Variants in CCDC7 observed in about 807,000 individuals in gnomAD.
CCDC7 encodes the protein coiled-coil domain containing 7, also known as coiled-coil domain-containing protein 7.
CCDC7 carries 183 observed loss-of-function variants against 196.9 expected under a neutral mutation model. The ratio of observed to expected loss-of-function variants is 0.93; its 90% CI spans 0.82 to 1.05. CCDC7 has a LOEUF of 1.05. Ranked by LOEUF, CCDC7 falls within the 50% of genes least tolerant of loss-of-function variation. The pLI, the probability that CCDC7 is intolerant of heterozygous loss-of-function variation, is 0.00. For missense variants in CCDC7, 1,540 were observed against 1,482.2 expected, an observed-to-expected ratio of 1.04 and a Z score of -0.64; for synonymous variants, 525 against 484.6, an observed-to-expected ratio of 1.08 and a Z score of -1.10.
intron 31 of CCDC7, among the ~76,000 whole-genome samples, chr10:32,817,132 A>T (rs1344393384): frequency 2.6e-5 from 4 of 152,208 alleles, no homozygotes; most frequent in Non-Finnish European, 5.9e-5. Flanking sequence ...CAATGCAGAG[A>T]AGTCCTTAAA....
chr10:32,525,907 G>A (rs568435354), intron 11 of CCDC7, among the ~76,000 whole-genome samples: 3 of 152,164 alleles, frequency 2.0e-5, no homozygotes, highest in Non-Finnish European at 4.4e-5. Context: ...CTGGGGGTGT[G>A]TTGTGCAAGC....
chr10:32,677,319 A>T (rs2075165305), intron 21 of CCDC7, among the ~76,000 whole-genome samples: 2 of 151,928 alleles, frequency 1.3e-5, no homozygotes, highest in African/African-American at 2.4e-5. Context: ...TACATATGTA[A>T]CTAACCTGCA....
At chr10:32,709,314 C>T (rs1373640681) in intron 24 of CCDC7, among the ~76,000 whole-genome samples, 1 of 119,556 alleles carries the variant, frequency 8.4e-6, no homozygotes, top group African/African-American at 3.4e-5. Flanking sequence ...CACACCGAGG[C>T]CTATCGTGGG....
At chr10:32,674,511 T>C (rs2074594687) in intron 21 of CCDC7, among the ~76,000 whole-genome samples, 1 of 152,134 alleles carries the variant, frequency 6.6e-6, no homozygotes. Context: ...TAGCATGTGA[T>C]TTATCCTGTA....
exon 41 of CCDC7, chr10:32,854,489 G>C: frequency 6.6e-7 from 1 of 1,507,366 alleles, no homozygotes; most frequent in Non-Finnish European, 9.2e-7. Flanking sequence ...TACCTATAAA[G>C]GTAAAAGAAT....
chr10:32,570,789 C>T (rs2137050599), intron 15 of CCDC7, among the ~76,000 whole-genome samples: 1 of 152,158 alleles, frequency 6.6e-6, no homozygotes, highest in East Asian at 1.9e-4. Context: ...AACAATGTGT[C>T]TAAGAAGAAG....
chr10:32,878,621 G>A (rs911992297), downstream of CCDC7, among the ~76,000 whole-genome samples: 2 of 152,018 alleles, frequency 1.3e-5, no homozygotes, highest in South Asian at 4.2e-4. Flanking sequence ...TGCCATCAAA[G>A]GTAAGGCTAC....
intron 28 of CCDC7, among the ~76,000 whole-genome samples, chr10:32,748,575 G>A (rs1218408158): frequency 6.6e-6 from 1 of 152,072 alleles, no homozygotes; most frequent in Non-Finnish European, 1.5e-5. Context: ...CAGTAAATGG[G>A]TCTCTAATTT....
At chr10:32,690,594 A>G (rs1762523) in intron 23 of CCDC7, among the ~76,000 whole-genome samples, 51,964 of 152,120 alleles carry the variant, frequency 0.34, 11,318 homozygotes, top group Non-Finnish European at 0.49. Flanking sequence ...TACAAGATCT[A>G]CTTAGTTATT....
chr10:32,626,942 T>C (rs953100190), intron 18 of CCDC7, among the ~76,000 whole-genome samples: 5 of 152,060 alleles, frequency 3.3e-5, no homozygotes, highest in Admixed American at 3.3e-4. Flanking sequence ...CATGCTGTTT[T>C]AATTACTATA....
chr10:32,617,884 GTCC>G (rs989146296), intron 18 of CCDC7, among the ~76,000 whole-genome samples: 2 of 151,810 alleles, frequency 1.3e-5, no homozygotes, highest in African/African-American at 4.8e-5. Context: ...TGATGTTGAC[GTCC>G]TCCTCTATTA....
At chr10:32,642,348 GGC>G (rs1161978954) in intron 20 of CCDC7, among the ~76,000 whole-genome samples, 2 of 152,220 alleles carry the variant, frequency 1.3e-5, no homozygotes, top group Non-Finnish European at 2.9e-5. Context: ...CCTTGGCAAT[GGC>G]GGGCGCCCCT....
Position 32,717,730 on chromosome 10 carries a change from C to T in CCDC7, c.2569+6000C>T, listed in dbSNP as rs1003307041. ...ATCCCACAGAAATACAAACTACCATCAGAGAATACCGTAAACACCTTTATG... is the reference window on the plus strand; with the variant it reads ...ATCCCACAGAAATACAAACTACCATTAGAGAATACCGTAAACACCTTTATG... On this transcript the variant is annotated intron_variant, in intron 25 of 41. Transcript: ENST00000639629. 5.3e-5 allele frequency among the ~76,000 whole-genome samples: 8 copies of T among 152,242 alleles called. No individual in the cohort carries two copies. In the East Asian group the frequency reaches 1.5e-3, roughly 29 times the overall value.
intron 20 of CCDC7, among the ~76,000 whole-genome samples, chr10:32,661,336 G>A (rs1190664378): frequency 6.6e-6 from 1 of 151,512 alleles, no homozygotes; most frequent in Non-Finnish European, 1.5e-5. Context: ...GTGCTGGAGA[G>A]GATGTGGAGA....
intron 20 of CCDC7, among the ~76,000 whole-genome samples, chr10:32,663,244 TATG>T (rs1259878013): frequency 2.0e-5 from 3 of 152,136 alleles, no homozygotes; most frequent in African/African-American, 7.2e-5. Flanking sequence ...TGGTGTGCAA[TATG>T]ATCATGAGGA....
At chr10:32,607,120 C>T (rs2061633534) in intron 18 of CCDC7, among the ~76,000 whole-genome samples, 1 of 152,126 alleles carries the variant, frequency 6.6e-6, no homozygotes, top group Non-Finnish European at 1.5e-5. Context: ...TATGTGGCAT[C>T]TCCCCTGACC....
chr10:32,865,402 TACACAC>T (rs57916933), intron 41 of CCDC7, among the ~76,000 whole-genome samples: 5,920 of 148,392 alleles, frequency 0.04, 112 homozygotes, highest in Middle Eastern at 0.056. Flanking sequence ...ACTCCTATTA[TACACAC>T]ACACACACAC....
chr10:32,732,523 A>G (rs985552897), intron 28 of CCDC7, among the ~76,000 whole-genome samples: 2 of 152,156 alleles, frequency 1.3e-5, no homozygotes, highest in Admixed American at 6.5e-5. Context: ...AAATTCTGCT[A>G]CTGTGATTAC....
intron 13 of CCDC7, among the ~76,000 whole-genome samples, chr10:32,550,982 C>T (rs778912483): frequency 2.0e-5 from 3 of 152,096 alleles, no homozygotes; most frequent in Non-Finnish European, 2.9e-5. Context: ...GGTACCAATT[C>T]TTCTTTGAAC....
Sources: allele counts gnomAD v4.1 joint callset (sites outside exome capture counted in the v4.1 genomes callset), GRCh38; gene constraint gnomAD v4.1.1; transcripts MANE v1.5; gene names NCBI Gene and HGNC (gene_info 2026-07-23, HGNC 2026-07-21).